The following CUL2 variants were observed in gnomAD, a reference collection of about 807,000 sequenced individuals.
The protein encoded by CUL2 is cullin 2.
Under a neutral mutation model 110.2 loss-of-function variants are expected in CUL2, and 22 were observed. The ratio of observed to expected loss-of-function variants is 0.20; its 90% CI spans 0.14 to 0.28. CUL2 has a LOEUF of 0.28. CUL2 is among the 10% of genes least tolerant of loss of function. CUL2 has a pLI of 1.00. For synonymous variants in CUL2, 279 were observed against 293.2 expected (o/e 0.95, Z 0.49); for missense variants, 631 against 905.5 (o/e 0.70, Z 3.89).
At chr10:35,095,624 T>G (rs770322348), upstream of CUL2, among the ~76,000 whole-genome samples, 1 of 152,150 alleles carries the variant, frequency 6.6e-6, no homozygotes, top group Non-Finnish European at 1.5e-5. Flanking sequence ...AGTGGTGTGA[T>G]CTCTGCTCAC....
chr10:35,067,744 A>C (rs2086571551), intron 2 of CUL2, among the ~76,000 whole-genome samples: 1 of 129,346 alleles, frequency 7.7e-6, no homozygotes, highest in African/African-American at 3.6e-5. Context: ...ACCCTGCCAC[A>C]AAAAAAAAAA....
At chr10:35,071,958 G>A (rs1465059470) in intron 1 of CUL2, among the ~76,000 whole-genome samples, 1 of 152,072 alleles carries the variant, frequency 6.6e-6, no homozygotes, top group South Asian at 2.1e-4. Context: ...AAAGAAACGG[G>A]GACCCACTTA....
In CUL2 at chr10:35,010,167, G is replaced by T; in HGVS notation, c.*144C>A. ...AGGCATTTTCTTTGACGCTCATGAC[G>T]TGGCACTGGTGATGTTGTAAACAGC... On this transcript the variant is annotated 3_prime_UTR_variant, in exon 21 of 21. Transcript: ENST00000374749. 1.6e-6 allele frequency: 1 copy of T among 608,424 alleles called. No individual in the cohort carries two copies. The highest frequency in any genetic ancestry group is 2.5e-6 in the Non-Finnish European group (1 of 401,882). 37.7% of individuals were successfully genotyped at this position (608,424 alleles called of 1,614,324 possible). A position where few individuals can be genotyped will look rare whatever the true frequency, so the allele number is the denominator to read the frequency against.
upstream of CUL2, among the ~76,000 whole-genome samples, chr10:35,091,726 T>G (rs905707324): frequency 3.3e-5 from 5 of 152,064 alleles, no homozygotes; most frequent in Admixed American, 2.0e-4. Flanking sequence ...GTTCAAGTGA[T>G]TCTCCTGTCT....
chr10:35,123,138 C>T (rs185047450), intron 1 of CUL2, among the ~76,000 whole-genome samples: 39 of 128,166 alleles, frequency 3.0e-4, no homozygotes, highest in African/African-American at 1.0e-3. Context: ...ATCCGATCTA[C>T]AAACAAGCAA....
chr10:35,057,652 GA>G lies in CUL2; in HGVS notation c.318-3114del, dbSNP rs1231881473. Among the ~76,000 whole-genome samples the G allele has an allele frequency of 5.9e-3, 498 of 84,560 alleles. 2 individuals are homozygous for G. Among genetic ancestry groups the G allele is most frequent in the Admixed American group, 0.017 (127 of 7,546 alleles). The allele number at this position is 84,560 out of a possible 152,430, so 55.5% of individuals were successfully genotyped here. ...TGGGCGACGGAGCAAGACTCCGTCT[GA>G]AAAAAAAAAAAAAGAAAAAAAGAAA... On this transcript the variant is annotated intron_variant, in intron 4 of 20. Coordinates refer to ENST00000374749, the MANE Select transcript of CUL2 (RefSeq NM_003591.4).
chr10:35,119,491 AT>A (rs1435683706), intron 1 of CUL2, among the ~76,000 whole-genome samples: 1 of 152,110 alleles, frequency 6.6e-6, no homozygotes, highest in East Asian at 1.9e-4. Flanking sequence ...ACACACCCAG[AT>A]TTTAAAACAA....
chr10:35,103,964 G>A (rs1395131046), intron 1 of CUL2, among the ~76,000 whole-genome samples: 1 of 151,938 alleles, frequency 6.6e-6, no homozygotes, highest in African/African-American at 2.4e-5. Flanking sequence ...AATAAAAAAC[G>A]CTAGTGCCTG....
intron 18 of CUL2, among the ~76,000 whole-genome samples, chr10:35,015,426 G>A (rs2085001699): frequency 6.6e-6 from 1 of 152,012 alleles, no homozygotes; most frequent in Admixed American, 6.6e-5. Flanking sequence ...ACTATAAAAT[G>A]TCATCATAAT....
At chr10:35,086,120 G>C (rs561516927) in intron 1 of CUL2, among the ~76,000 whole-genome samples, 1 of 152,058 alleles carries the variant, frequency 6.6e-6, no homozygotes, top group Admixed American at 6.5e-5. Flanking sequence ...TGTAGTCCCA[G>C]CTCGGGAAGT....
Position 35,071,356 on chromosome 10 carries a change from A to T in CUL2, c.-22-17T>A. ...TGTTGAAATCTGTCAATTAAAAAAC[A>T]ATAACAATGTTAGCAATAATTCCAT... On this transcript the variant is annotated splice_polypyrimidine_tract_variant and intron_variant, in intron 1 of 20. Coordinates refer to ENST00000374749, the MANE Select transcript of CUL2 (RefSeq NM_003591.4). 1 of 1,592,406 alleles carries T rather than the reference A, an allele frequency of 6.3e-7. No homozygotes were observed. The highest frequency in any genetic ancestry group is 8.6e-7 in the Non-Finnish European group (1 of 1,164,468).
intron 17 of CUL2, among the ~76,000 whole-genome samples, chr10:35,023,759 G>GA (rs71523353): frequency 3.1e-4 from 46 of 147,752 alleles, no homozygotes; most frequent in South Asian, 1.3e-3. Context: ...TTTCTTAGGG[G>GA]AAAAAAAAAA....
At chr10:35,112,941 C>G (rs2087539415) in intron 1 of CUL2, among the ~76,000 whole-genome samples, 1 of 151,996 alleles carries the variant, frequency 6.6e-6, no homozygotes, top group African/African-American at 2.4e-5. Context: ...CGTCTGTAAT[C>G]CCAGTACTTT....
At chr10:35,084,288 A>G (rs894424188) in intron 1 of CUL2, among the ~76,000 whole-genome samples, 2 of 152,138 alleles carry the variant, frequency 1.3e-5, no homozygotes, top group Non-Finnish European at 2.9e-5. Flanking sequence ...ACAAGCAAAC[A>G]AGACACAGTA....
At chr10:35,012,607 A>C (rs1353499662) in intron 19 of CUL2, among the ~76,000 whole-genome samples, 1 of 152,202 alleles carries the variant, frequency 6.6e-6, no homozygotes, top group Non-Finnish European at 1.5e-5. Flanking sequence ...CATTAAGAGG[A>C]TCTCCTCACA....
intron 6 of CUL2, among the ~76,000 whole-genome samples, chr10:35,049,011 A>G (rs1460457686): frequency 2.0e-5 from 3 of 152,216 alleles, no homozygotes; most frequent in African/African-American, 4.8e-5. Flanking sequence ...GATAATTCCT[A>G]TAACATCAGT....
intron 4 of CUL2, among the ~76,000 whole-genome samples, chr10:35,059,318 TG>T (rs1232864597): frequency 6.6e-6 from 1 of 152,170 alleles, no homozygotes; most frequent in Admixed American, 6.5e-5. Context: ...CTAACTTCAT[TG>T]TTGTCTTATT....
intron 19 of CUL2, 89 bp from the exon 20 acceptor site, chr10:35,012,053 C>CTTT (rs5784438): frequency 1.5e-4 from 72 of 475,912 alleles, no homozygotes; most frequent in South Asian, 2.9e-4. Flanking sequence ...AGTGCAAATA[C>CTTT]TTTTTTTTTT....
At chr10:35,045,011 T>C (rs1391738844) in intron 6 of CUL2, 143 bp from the exon 7 acceptor site, 3 of 566,642 alleles carry the variant, frequency 5.3e-6, no homozygotes, top group Non-Finnish European at 9.3e-6. Flanking sequence ...GCATGAATCT[T>C]AACAATGATT....
Sources: allele counts gnomAD v4.1 joint callset (sites outside exome capture counted in the v4.1 genomes callset), GRCh38; gene constraint gnomAD v4.1.1; transcripts MANE v1.5; gene names NCBI Gene and HGNC (gene_info 2026-07-23, HGNC 2026-07-21).